Variants in HHAT observed in about 807,000 individuals in gnomAD.
The protein encoded by HHAT is hedgehog acyltransferase, also known as protein-cysteine N-palmitoyltransferase HHAT.
In HHAT, 47 loss-of-function variants were observed where a neutral mutation model predicts 70.8. The ratio of observed to expected loss-of-function variants is 0.66; its 90% CI spans 0.53 to 0.85. The LOEUF is 0.85. Among genes scored for constraint, HHAT ranks in the 40% least tolerant of loss-of-function variants. The pLI, the probability that HHAT is intolerant of heterozygous loss-of-function variation, is 0.00. For missense variants in HHAT, 609 were observed against 604.8 expected, an observed-to-expected ratio of 1.01 and a Z score of -0.07; for synonymous variants, 228 against 247.6, an observed-to-expected ratio of 0.92 and a Z score of 0.74.
intron 9 of HHAT, among the ~76,000 whole-genome samples, chr1:210,544,486 C>T (rs538535978): frequency 6.7e-6 from 1 of 150,052 alleles, no homozygotes; most frequent in East Asian, 2.0e-4. Flanking sequence ...AATTCTCCTG[C>T]TTCAGCCTCC....
In HHAT at chr1:210,510,976, C is replaced by T. The variant is rs545952502; in HGVS notation, c.1008-2177C>T. Among the ~76,000 whole-genome samples the T allele has an allele frequency of 2.6e-5, 4 of 151,990 alleles. No homozygotes were observed. The South Asian group carries it at 8.3e-4, about 32-fold the overall frequency. On this transcript the variant is annotated intron_variant, in intron 8 of 11. Transcript: ENST00000261458. Reference sequence around the variant, plus strand: ...ACAAGCTTTGGATGAGTGAAGGAAGCTGAAATCTTTGTTTTAATCTACACA... The same window carrying T: ...ACAAGCTTTGGATGAGTGAAGGAAGTTGAAATCTTTGTTTTAATCTACACA...
Position 210,348,634 on chromosome 1 carries a change from A to G in HHAT, c.-43-299A>G, listed in dbSNP as rs542626355. ...GAGACAGGCATATTATGCAATGGGTAGAGAACTGTCTGATGTATACTCTGA... is the reference window on the plus strand; with the variant it reads ...GAGACAGGCATATTATGCAATGGGTGGAGAACTGTCTGATGTATACTCTGA... On this transcript the variant is annotated intron_variant, in intron 1 of 11. Coordinates refer to ENST00000261458, the MANE Select transcript of HHAT (RefSeq NM_018194.6). Among the ~76,000 whole-genome samples the G allele has an allele frequency of 1.4e-3, 207 of 152,216 alleles. 1 individual carries two copies. Among genetic ancestry groups the G allele is most frequent in the Non-Finnish European group, 2.1e-3 (140 of 68,004 alleles).
At chr1:210,492,888 A>T (rs537794105) in intron 8 of HHAT, among the ~76,000 whole-genome samples, 1 of 152,144 alleles carries the variant, frequency 6.6e-6, no homozygotes, top group African/African-American at 2.4e-5. Context: ...CTGTCAGTGG[A>T]TGGGTTCAGA....
At chr1:210,428,192 G>C (rs2093127307) in intron 7 of HHAT, among the ~76,000 whole-genome samples, 1 of 149,572 alleles carries the variant, frequency 6.7e-6, no homozygotes, top group South Asian at 2.1e-4. Flanking sequence ...CCAGAGATCA[G>C]TACTGATAAA....
rs201949677 is a variant in HHAT at position 210,464,620 on chromosome 1, C to T, written c.972C>T (p.Cys324=). 2.5e-5 allele frequency: 40 copies of T among 1,614,174 alleles called. No homozygotes were observed. The highest frequency in any genetic ancestry group is 3.3e-5 in the Admixed American group (2 of 60,024). The change falls in exon 8 of 12, where the codon TGC becomes TGT. Residue 324 remains cysteine (C), a synonymous_variant. Transcript: ENST00000261458. ...DGLTPPALPR[C]VSTMFSFTGM... is the part of the protein sequence containing the mutation. ...TCACTCCACCCGCCCTCCCCCGCTGCGTGAGCACCATGTTCAGTTTCACCG... is the reference window on the plus strand; with the variant it reads ...TCACTCCACCCGCCCTCCCCCGCTGTGTGAGCACCATGTTCAGTTTCACCG...
At chr1:210,576,805 T>G (rs763302372) in intron 9 of HHAT, among the ~76,000 whole-genome samples, 2 of 152,244 alleles carry the variant, frequency 1.3e-5, no homozygotes, top group Non-Finnish European at 2.9e-5. Context: ...GCACTATCCA[T>G]GGGCACAGCA....
At chr1:210,647,906 G>A (rs1299777745) in intron 11 of HHAT, among the ~76,000 whole-genome samples, 1 of 152,196 alleles carries the variant, frequency 6.6e-6, no homozygotes, top group African/African-American at 2.4e-5. Context: ...TTTCAGAGTG[G>A]GGCTTTAAAT....
At chr1:210,419,231 C>T (rs1053945051) in intron 7 of HHAT, among the ~76,000 whole-genome samples, 2 of 152,110 alleles carry the variant, frequency 1.3e-5, no homozygotes, top group Non-Finnish European at 2.9e-5. Flanking sequence ...TGTACACTGT[C>T]TTGGGATAGA....
At chr1:210,629,761 G>A (rs960686658) in intron 11 of HHAT, among the ~76,000 whole-genome samples, 1 of 151,650 alleles carries the variant, frequency 6.6e-6, no homozygotes, top group African/African-American at 2.4e-5. Flanking sequence ...TTCAAACCAT[G>A]TTTCTTCATC....
intron 2 of HHAT, among the ~76,000 whole-genome samples, chr1:210,362,228 C>CA (rs2088407162): frequency 7.2e-6 from 1 of 138,346 alleles, no homozygotes; most frequent in Non-Finnish European, 1.5e-5. Context: ...TAGTCTGTGT[C>CA]AAAATTTCTT....
rs570919575 is a variant in HHAT at position 210,410,587 on chromosome 1, C to T, written c.684+5908C>T. Among the ~76,000 whole-genome samples the T allele has an allele frequency of 1.2e-3, 169 of 137,664 alleles. 1 individual carries two copies. The highest frequency in any genetic ancestry group is 4.5e-3 in the African/African-American group (166 of 36,620). 90.3% of individuals were successfully genotyped at this position (137,664 alleles called of 152,430 possible). A position where few individuals can be genotyped will look rare whatever the true frequency, so the allele number is the denominator to read the frequency against. On this transcript the variant is annotated intron_variant, in intron 6 of 11. Transcript: ENST00000261458. ...CTTCACCCAGGCTAGAGTGCAGTGG[C>T]ACGATCTTGGCTCACTGCAACCTCC...
At position 210,429,681 on chromosome 1, in the gene HHAT, C is replaced by T. The variant is rs946099396; in HGVS notation, c.856+11356C>T. On this transcript the variant is annotated intron_variant, in intron 7 of 11. Coordinates refer to ENST00000261458, the MANE Select transcript of HHAT (RefSeq NM_018194.6). ...ATGCGTATAATGTCAGGTGGTCCCC[C>T]CTGTTTGCATTGCTAAGTCAAATCA... 2.6e-5 allele frequency among the ~76,000 whole-genome samples: 4 copies of T among 151,704 alleles called. 1 individual carries two copies. Among genetic ancestry groups the T allele is most frequent in the African/African-American group, 9.7e-5 (4 of 41,040 alleles).
intron 4 of HHAT, among the ~76,000 whole-genome samples, chr1:210,392,381 T>A (rs75436450): frequency 0.015 from 2,351 of 152,198 alleles, 75 homozygotes; most frequent in African/African-American, 0.054. Flanking sequence ...TGTAGATCAG[T>A]GTTTCTTAAA....
chr1:210,604,322 A>G (rs12123110), intron 10 of HHAT, among the ~76,000 whole-genome samples: 12,586 of 151,000 alleles, frequency 0.083, 670 homozygotes, highest in Middle Eastern at 0.15. Context: ...TCCTGACCTC[A>G]TGACCTGCCC....
rs1231046147 is a variant in HHAT at position 210,623,644 on chromosome 1, C to G, written c.1364C>G (p.Thr455Ser). The change falls in exon 11 of 12, where the codon ACC (threonine) becomes AGC (serine). Residue 455 changes from threonine to serine, a missense_variant. By Grantham distance (58) the Thr-to-Ser change is moderately conservative. Coordinates refer to ENST00000261458, the MANE Select transcript of HHAT (RefSeq NM_018194.6). ...VFLGGNEVGK[T>S]YWNRIFIQGW... ...CTTGGGGGCAATGAGGTTGGGAAAA[C>G]CTACTGGAATAGGATCTTCATACAA... The G allele has an allele frequency of 1.2e-6, 2 of 1,613,990 alleles. No homozygotes were observed. The highest frequency in any genetic ancestry group is 2.2e-5 in the East Asian group (1 of 44,868).
intron 1 of HHAT, among the ~76,000 whole-genome samples, chr1:210,338,958 C>A (rs184991823): frequency 1.1e-4 from 17 of 152,176 alleles, no homozygotes; most frequent in African/African-American, 2.7e-4. Flanking sequence ...TCACTTGAGC[C>A]CAGGAGTTAG....
upstream of HHAT, among the ~76,000 whole-genome samples, chr1:210,328,536 G>A (rs2084705755): frequency 6.6e-6 from 1 of 152,212 alleles, no homozygotes; most frequent in South Asian, 2.1e-4. Flanking sequence ...AGCTGCCAGG[G>A]CTGCAAAGCC....
intron 3 of HHAT, among the ~76,000 whole-genome samples, chr1:210,365,456 A>G (rs957998669): frequency 2.6e-5 from 4 of 151,124 alleles, no homozygotes; most frequent in African/African-American, 7.3e-5. Context: ...AGCTAGGATT[A>G]CAGGCACCTG....
chr1:210,430,172 A>G (rs1167550800), intron 7 of HHAT, among the ~76,000 whole-genome samples: 3 of 151,858 alleles, frequency 2.0e-5, no homozygotes, highest in African/African-American at 7.3e-5. Flanking sequence ...AATTTGGTCA[A>G]GCTAGCTTCT....
Sources: allele counts gnomAD v4.1 joint callset (sites outside exome capture counted in the v4.1 genomes callset), GRCh38; gene constraint gnomAD v4.1.1; transcripts MANE v1.5; gene names NCBI Gene and HGNC (gene_info 2026-07-23, HGNC 2026-07-21).